The following GHR variants were observed in gnomAD, a reference collection of about 807,000 sequenced individuals.
GHR encodes growth hormone receptor.
GHR carries 35 observed loss-of-function variants against 67.1 expected under a neutral mutation model. The ratio of observed to expected loss-of-function variants is 0.52; its 90% CI spans 0.40 to 0.69. The LOEUF is 0.69. GHR is among the 30% of genes least tolerant of loss of function. GHR has a pLI of 0.00. For missense variants in GHR, 792 were observed against 764.6 expected, an observed-to-expected ratio of 1.04 and a Z score of -0.42; for synonymous variants, 272 against 269.1, an observed-to-expected ratio of 1.01 and a Z score of -0.10.
intron 1 of GHR, among the ~76,000 whole-genome samples, chr5:42,500,068 G>A (rs1269414597): frequency 2.0e-5 from 3 of 152,160 alleles, no homozygotes; most frequent in Admixed American, 1.3e-4. Flanking sequence ...TGACAACCAG[G>A]CATGACAGTA....
At chr5:42,650,271 T>C (rs1754950557) in intron 3 of GHR, among the ~76,000 whole-genome samples, 1 of 152,108 alleles carries the variant, frequency 6.6e-6, no homozygotes, top group African/African-American at 2.4e-5. Flanking sequence ...GACACTGAAA[T>C]GCTTGCATTA....
intron 3 of GHR, among the ~76,000 whole-genome samples, chr5:42,660,372 G>A (rs1755521051): frequency 6.6e-6 from 1 of 152,154 alleles, no homozygotes; most frequent in African/African-American, 2.4e-5. Flanking sequence ...AGTAGGGGCA[G>A]ACTGACACCT....
intron 3 of GHR, among the ~76,000 whole-genome samples, chr5:42,680,697 GT>G (rs1756818051): frequency 6.6e-6 from 1 of 151,932 alleles, no homozygotes; most frequent in Non-Finnish European, 1.5e-5. Context: ...TAGAGACGGA[GT>G]TTCACTATGT....
chr5:42,636,438 T>A (rs1452271374), intron 3 of GHR, among the ~76,000 whole-genome samples: 1 of 152,178 alleles, frequency 6.6e-6, no homozygotes, highest in Non-Finnish European at 1.5e-5. Flanking sequence ...AGTTAAAGCA[T>A]CCAACAGTTG....
intron 1 of GHR, among the ~76,000 whole-genome samples, chr5:42,546,222 T>C (rs1228442207): frequency 6.6e-6 from 1 of 152,324 alleles, no homozygotes; most frequent in South Asian, 2.1e-4. Context: ...TGAAAAAATC[T>C]TTCTCTTTCA....
chr5:42,525,106 G>A (rs934115537), intron 1 of GHR, among the ~76,000 whole-genome samples: 1 of 152,166 alleles, frequency 6.6e-6, no homozygotes, highest in Non-Finnish European at 1.5e-5. Flanking sequence ...TGTGAGAAGA[G>A]GGCCACTGTC....
intron 1 of GHR, chr5:42,465,694 G>GT: frequency 1.2e-6 from 1 of 855,410 alleles, no homozygotes; most frequent in Non-Finnish European, 2.0e-6. Flanking sequence ...TCAGGCCACT[G>GT]TAATGTGAAA....
chr5:42,438,439 TGA>T (rs1743429069), intron 1 of GHR, among the ~76,000 whole-genome samples: 1 of 152,170 alleles, frequency 6.6e-6, no homozygotes, highest in Non-Finnish European at 1.5e-5. Context: ...CAAACTCAGG[TGA>T]CTCATTTCTA....
chr5:42,467,431 C>T (rs1213136243), intron 1 of GHR: 19 of 951,652 alleles, frequency 2.0e-5, no homozygotes, highest in South Asian at 4.3e-5. Context: ...ATGGTTTGAG[C>T]TCCCAGTAAA....
At chr5:42,480,174 A>C (rs1170815457) in intron 1 of GHR, among the ~76,000 whole-genome samples, 1 of 152,150 alleles carries the variant, frequency 6.6e-6, no homozygotes, top group Non-Finnish European at 1.5e-5. Context: ...CAGGTTGTTC[A>C]GTTTCCATGT....
chr5:42,603,649 A>G (rs1752487228), intron 2 of GHR, among the ~76,000 whole-genome samples: 1 of 150,862 alleles, frequency 6.6e-6, no homozygotes, highest in Non-Finnish European at 1.5e-5. Context: ...CTGAGTAAAA[A>G]CAAACAAACA....
In GHR at chr5:42,505,122, G is replaced by GTT. The variant is rs35690685; in HGVS notation, c.-11-60728_-11-60727dup. Among the ~76,000 whole-genome samples the GTT allele has an allele frequency of 6.7e-3, 901 of 134,830 alleles. 10 individuals are homozygous for GTT. Among genetic ancestry groups the GTT allele is most frequent in the African/African-American group, 0.015 (542 of 36,712 alleles). 88.5% of individuals were successfully genotyped at this position (134,830 alleles called of 152,430 possible). On this transcript the variant is annotated intron_variant, in intron 1 of 9. Coordinates refer to ENST00000230882, the MANE Select transcript of GHR (RefSeq NM_000163.5). ...ACATGCATGTTGGGAGCTGTTGACT[G>GTT]TTTTTTTTTTTTTTTCTTTCTTTCT...
At chr5:42,468,760 T>TTC in intron 1 of GHR, 1 of 1,066,812 alleles carries the variant, frequency 9.4e-7, no homozygotes, top group East Asian at 2.5e-5. Flanking sequence ...TTTTTTCTTG[T>TTC]TCTCTCCTGC....
chr5:42,530,247 A>G (rs1451108866), intron 1 of GHR, among the ~76,000 whole-genome samples: 2 of 152,110 alleles, frequency 1.3e-5, no homozygotes, highest in Admixed American at 1.3e-4. Context: ...CACTAGCTAC[A>G]ACATAATTCA....
chr5:42,519,975 T>G (rs1747405804), intron 1 of GHR, among the ~76,000 whole-genome samples: 1 of 152,246 alleles, frequency 6.6e-6, no homozygotes, highest in Non-Finnish European at 1.5e-5. Flanking sequence ...GTCTCTACTT[T>G]ATGCCAGGTA....
rs536508975 is a variant in GHR at position 42,465,371 on chromosome 5, T to A, written c.-12+41416T>A. On this transcript the variant is annotated intron_variant, in intron 1 of 9. Transcript: ENST00000230882. ...ACCCACCAGTAAGAGAAAGTTAGGT[T>A]AAGGGTATAAAGGGATTGAAGAGGT... 16 of 994,786 alleles carry A rather than the reference T, an allele frequency of 1.6e-5. No individual in the cohort carries two copies. In the Admixed American group the frequency reaches 1.8e-4, roughly 11 times the overall value. The allele number at this position is 994,786 out of a possible 1,614,324, so 61.6% of individuals were successfully genotyped here. A position where few individuals can be genotyped will look rare whatever the true frequency, so the allele number is the denominator to read the frequency against.
At chr5:42,669,969 A>C (rs1756191220) in intron 3 of GHR, among the ~76,000 whole-genome samples, 1 of 152,222 alleles carries the variant, frequency 6.6e-6, no homozygotes. Flanking sequence ...CTATAGATTC[A>C]ATGCAATCCT....
intron 1 of GHR, among the ~76,000 whole-genome samples, chr5:42,475,199 C>T (rs1337302882): frequency 6.6e-6 from 1 of 152,024 alleles, no homozygotes; most frequent in African/African-American, 2.4e-5. Flanking sequence ...TTTAACTATC[C>T]CTCCTGTGAA....
chr5:42,588,950 A>G (rs1009606105), intron 2 of GHR, among the ~76,000 whole-genome samples: 1 of 152,226 alleles, frequency 6.6e-6, no homozygotes, highest in African/African-American at 2.4e-5. Flanking sequence ...ATGAGAAACT[A>G]CATCACCTGC....
Sources: gnomAD v4.1 joint callset for allele counts (sites outside exome capture counted in the v4.1 genomes callset) on GRCh38, gnomAD v4.1.1 for gene constraint, MANE v1.5 for transcripts, NCBI Gene and HGNC (gene_info 2026-07-23, HGNC 2026-07-21) for gene names.